Variants in ITGB4 observed in about 807,000 individuals in gnomAD.
ITGB4 encodes integrin beta-4.
ITGB4 carries 159 observed loss-of-function variants against 207.6 expected under a neutral mutation model. The ratio of observed to expected loss-of-function variants is 0.77; its 90% CI spans 0.67 to 0.87. The LOEUF is 0.87. Among genes scored for constraint, ITGB4 ranks in the 40% least tolerant of loss-of-function variants. The pLI, the probability that ITGB4 is intolerant of heterozygous loss-of-function variation, is 0.00. For missense variants in ITGB4, 2,278 were observed against 2,546.8 expected, an observed-to-expected ratio of 0.89 and a Z score of 2.27; for synonymous variants, 1,020 against 1,062.7, an observed-to-expected ratio of 0.96 and a Z score of 0.78.
chr17:75,744,966 T>A (rs889549611), intron 26 of ITGB4, among the ~76,000 whole-genome samples: 3 of 151,892 alleles, frequency 2.0e-5, no homozygotes, highest in Non-Finnish European at 4.4e-5. Context: ...GGTTTTGCCA[T>A]GTTGGCCAGG....
At chr17:75,745,416 T>A (rs1568370436) in intron 26 of ITGB4, among the ~76,000 whole-genome samples, 1 of 151,750 alleles carries the variant, frequency 6.6e-6, no homozygotes, top group Non-Finnish European at 1.5e-5. Flanking sequence ...AATTAATTTT[T>A]TAAAAATCAA....
At chr17:75,752,389 CGGGCAGGG>C (rs1204157893) in intron 31 of ITGB4, 33 bp downstream of exon 31, 3 of 1,577,340 alleles carry the variant, frequency 1.9e-6, no homozygotes, top group African/African-American at 1.4e-5. Context: ...AGGGGCAGAC[CGGGCAGGG>C]GGGCAGGGGG....
intron 1 of ITGB4, 121 bp from the exon 2 acceptor site, chr17:75,724,573 C>A (rs377057113): frequency 1.2e-6 from 1 of 815,442 alleles, no homozygotes; most frequent in Non-Finnish European, 2.1e-6. Flanking sequence ...GGCGGCTGGG[C>A]GCCCTTGGTC....
intron 1 of ITGB4, among the ~76,000 whole-genome samples, chr17:75,724,013 T>C (rs1047357571): frequency 6.6e-6 from 1 of 152,198 alleles, no homozygotes; most frequent in African/African-American, 2.4e-5. Context: ...TGTGTGCATG[T>C]CTCACTCTGG....
Position 75,757,675 on chromosome 17 carries a change from G to T in ITGB4, c.*120G>T. ...GGCCCAGCCCACCCGCATGCACAGA[G>T]CAGGGGCTAGGTGTCTCCTGGGAGG... On this transcript the variant is annotated 3_prime_UTR_variant, in exon 40 of 40. Coordinates refer to ENST00000200181, the MANE Select transcript of ITGB4 (RefSeq NM_000213.5). The T allele has an allele frequency of 7.2e-7, 1 of 1,388,458 alleles. No individual in the cohort carries two copies. The highest frequency in any genetic ancestry group is 2.3e-5 in the East Asian group (1 of 43,250). 86.0% of individuals were successfully genotyped at this position (1,388,458 alleles called of 1,614,324 possible).
chr17:75,754,756 A>G lies in ITGB4; in HGVS notation c.4499A>G (p.His1500Arg). The G allele has an allele frequency of 6.2e-7, 1 of 1,612,310 alleles. No individual in the cohort carries two copies. The highest frequency in any genetic ancestry group is 1.1e-5 in the South Asian group (1 of 90,934). ...TACAACTCACTGACCCGCTCAGAAC[A>G]CTCACACTCGACCACACTGCCCAGG... The part of the protein sequence containing the change: ...RDYNSLTRSE[H>R]SHSTTLPRDY... The change falls in exon 34 of 40, where the codon CAC becomes CGC. Residue 1500 changes from histidine (H) to arginine (R), a missense_variant. Coordinates refer to ENST00000200181, the MANE Select transcript of ITGB4 (RefSeq NM_000213.5).
chr17:75,752,685 G>A (rs919757609), intron 32 of ITGB4, 108 bp downstream of exon 32: 1 of 1,418,776 alleles, frequency 7.0e-7, no homozygotes, highest in Non-Finnish European at 9.8e-7. Flanking sequence ...GGACATGGAG[G>A]TTAAGGCAGC....
chr17:75,747,506 G>T (rs1168807951), intron 26 of ITGB4, among the ~76,000 whole-genome samples: 1 of 152,014 alleles, frequency 6.6e-6, no homozygotes, highest in Non-Finnish European at 1.5e-5. Flanking sequence ...AAATAAAATA[G>T]GTCCATATTC....
Position 75,754,653 on chromosome 17 carries a change from G to A in ITGB4, c.4396G>A (p.Ala1466Thr). The A allele has an allele frequency of 2.5e-6, 4 of 1,613,954 alleles. No individual in the cohort carries two copies. The highest frequency in any genetic ancestry group is 3.4e-6 in the Non-Finnish European group (4 of 1,179,968). Residue 1466 changes from alanine to threonine, a missense_variant, in exon 34 of 40, where the codon GCT becomes ACT. Ala to Thr is a moderately conservative substitution (Grantham distance 58, BLOSUM62 0). Transcript: ENST00000200181. ...CCTGCACAGGATGACCACGACCAGT[G>A]CTGCTGCCTATGGCACCCACCTGAG... ...NSLHRMTTTS[A>T]AAYGTHLSPH...
At chr17:75,748,688 A>G (rs759406907) in intron 26 of ITGB4, among the ~76,000 whole-genome samples, 153 bp from the exon 27 acceptor site, 47 of 151,884 alleles carry the variant, frequency 3.1e-4, no homozygotes, top group African/African-American at 1.1e-3. Flanking sequence ...AAACAAACAA[A>G]AAAAACACAA....
chr17:75,752,631 T>G, intron 32 of ITGB4, 54 bp downstream of exon 32: 1 of 1,607,218 alleles, frequency 6.2e-7, no homozygotes, highest in Non-Finnish European at 8.5e-7. Flanking sequence ...GGGTACAGAG[T>G]GAGTCCACTG....
At position 75,730,507 on chromosome 17, in the gene ITGB4, G is replaced by A. The variant is rs773488095; in HGVS notation, c.1002+3G>A. On this transcript the variant is annotated splice_donor_region_variant and intron_variant, in intron 8 of 39. Transcript: ENST00000200181. ...ACTACTCCTATAGCTACTACGAGGTGCGGGGCCCAGGTCCCACGGGTGGGA... is the reference window on the plus strand; with the variant it reads ...ACTACTCCTATAGCTACTACGAGGTACGGGGCCCAGGTCCCACGGGTGGGA... 6.2e-7 allele frequency: 1 copy of A among 1,613,620 alleles called. No individual in the cohort carries two copies. Among genetic ancestry groups the A allele is most frequent in the African/African-American group, 1.3e-5 (1 of 74,992 alleles).
In ITGB4 at chr17:75,727,905, G is replaced by A; in HGVS notation, c.469+50G>A. On this transcript the variant is annotated intron_variant, in intron 5 of 39. Coordinates refer to ENST00000200181, the MANE Select transcript of ITGB4 (RefSeq NM_000213.5). This position sits in a 1 kb window ranked among gnomAD's most constrained non-coding sequence, Gnocchi z 6.0. Reference sequence around the variant, plus strand: ...CAGCAGGGCAGGAGGGGGACAGGTGGGCGTCTGCTTGGGAGGCCAGGACTC... The same window carrying A: ...CAGCAGGGCAGGAGGGGGACAGGTGAGCGTCTGCTTGGGAGGCCAGGACTC... The A allele has an allele frequency of 3.2e-6, 5 of 1,573,528 alleles. No individual in the cohort carries two copies. Among genetic ancestry groups the A allele is most frequent in the Non-Finnish European group, 3.5e-6 (4 of 1,146,856 alleles).
At chr17:75,753,659 A>C in intron 32 of ITGB4, 106 bp from the exon 33 acceptor site, 2 of 692,010 alleles carry the variant, frequency 2.9e-6, no homozygotes, top group East Asian at 3.5e-5. Flanking sequence ...GGATCCCGGG[A>C]GCTGGAGACG....
chr17:75,756,633 C>A lies in ITGB4; in HGVS notation c.4897+16C>A. 1.2e-6 allele frequency: 2 copies of A among 1,612,894 alleles called. No homozygotes were observed. Among genetic ancestry groups the A allele is most frequent in the Non-Finnish European group, 1.7e-6 (2 of 1,179,898 alleles). On this transcript the variant is annotated intron_variant, in intron 36 of 39. Transcript: ENST00000200181. ...CCCCTGCCAGGTGAGTTGCCTCCCC[C>A]AGCCCCAGAGCTGCCCCCATCATGC... is the stretch of plus-strand genomic sequence containing the variant.
chr17:75,736,765 C>T lies in ITGB4; in HGVS notation c.1990+71C>T, dbSNP rs548460112. On this transcript the variant is annotated intron_variant, in intron 16 of 39. Transcript: ENST00000200181. ...CGGGCATCCAACGGGGCAAGGGTGTCATCACCTGGACGGGGGCTTGCAGTC... is the reference window on the plus strand; with the variant it reads ...CGGGCATCCAACGGGGCAAGGGTGTTATCACCTGGACGGGGGCTTGCAGTC... 17 of 1,515,756 alleles carry T rather than the reference C, an allele frequency of 1.1e-5. No homozygotes were observed. In the Admixed American group the frequency reaches 1.4e-4, roughly 12 times the overall value. 93.9% of individuals were successfully genotyped at this position (1,515,756 alleles called of 1,614,324 possible).
intron 2 of ITGB4, among the ~76,000 whole-genome samples, chr17:75,725,237 G>A (rs2060694674): frequency 6.6e-6 from 1 of 152,230 alleles, no homozygotes; most frequent in Non-Finnish European, 1.5e-5. Flanking sequence ...GACCACGACA[G>A]AAATGTTTAC....
At chr17:75,755,212 A>G in intron 34 of ITGB4, 2 of 1,602,376 alleles carry the variant, frequency 1.2e-6, no homozygotes, top group Non-Finnish European at 1.7e-6. Context: ...CCTGGGGCCC[A>G]GGTAGTACAG....
At chr17:75,743,975 G>A (rs1033518173) in intron 26 of ITGB4, 114 bp downstream of exon 26, 18 of 1,231,464 alleles carry the variant, frequency 1.5e-5, no homozygotes, top group African/African-American at 3.0e-5. Flanking sequence ...GATACTGGCC[G>A]TGCCCCTGGC....
Sources: allele counts gnomAD v4.1 joint callset (sites outside exome capture counted in the v4.1 genomes callset), GRCh38; gene constraint gnomAD v4.1.1; non-coding constraint Gnocchi (gnomAD v3.1); transcripts MANE v1.5; gene names NCBI Gene and HGNC (gene_info 2026-07-23, HGNC 2026-07-21).